CACNA1C: variants seen among roughly 807,000 people sequenced by gnomAD.
CACNA1C encodes calcium voltage-gated channel subunit alpha1 C.
In CACNA1C, 30 loss-of-function variants were observed where a neutral mutation model predicts 229.0. That is an observed-to-expected ratio of 0.13 (90% CI 0.10 to 0.18). CACNA1C has a LOEUF of 0.18. CACNA1C is among the 10% of genes least tolerant of loss of function. The probability of loss-of-function intolerance (pLI) is 1.00; values close to 1 mark genes in which losing one functional copy is unlikely to be tolerated. For missense variants in CACNA1C, 1,658 were observed against 2,845.0 expected (o/e 0.58, Z 9.49); for synonymous variants, 1,114 against 1,132.5 (o/e 0.98, Z 0.33).
intron 4 of CACNA1C, among the ~76,000 whole-genome samples, chr12:2,450,378 C>G (rs539443734): frequency 1.5e-4 from 22 of 149,934 alleles, no homozygotes; most frequent in African/African-American, 4.8e-4. Flanking sequence ...CACGGTGAAA[C>G]CCCGTCTCTA....
In CACNA1C at chr12:2,597,506, C is replaced by T. The variant is rs749006268; in HGVS notation, c.2853+217C>T. ...AGAAATTATCCTTAAGGTAATGCAA[C>T]CTGGGCAATGCATCCTCTGTCGCTT... is the stretch of plus-strand genomic sequence containing the variant. On this transcript the variant is annotated intron_variant, in intron 21 of 46. Coordinates refer to ENST00000399655, the MANE Select transcript of CACNA1C (RefSeq NM_000719.7). The surrounding 1 kb of genome is among the most constrained non-coding windows in gnomAD (Gnocchi z 4.3). The T allele has an allele frequency of 2.6e-6, 4 of 1,534,400 alleles. No homozygotes were observed. Among genetic ancestry groups the T allele is most frequent in the Admixed American group, 1.7e-5 (1 of 59,942 alleles).
intron 42 of CACNA1C, chr12:2,681,802 T>G (rs1436408516): frequency 2.6e-5 from 16 of 608,306 alleles, no homozygotes; most frequent in Non-Finnish European, 4.7e-5. Flanking sequence ...GATCTTTCTC[T>G]GATGCCCTCA....
At chr12:2,032,475 G>A (rs2048399941) in intron 1 of CACNA1C, among the ~76,000 whole-genome samples, 1 of 152,196 alleles carries the variant, frequency 6.6e-6, no homozygotes. Flanking sequence ...GTTTGTCAAC[G>A]TTAAGACAGT....
chr12:2,118,507 C>A (rs899793636), intron 2 of CACNA1C, among the ~76,000 whole-genome samples: 1 of 152,192 alleles, frequency 6.6e-6, no homozygotes, highest in Non-Finnish European at 1.5e-5. Flanking sequence ...GAGCTTGGAT[C>A]CCATCCTACT....
At chr12:2,405,588 C>T (rs1219609806) in intron 3 of CACNA1C, among the ~76,000 whole-genome samples, 4 of 152,132 alleles carry the variant, frequency 2.6e-5, no homozygotes, top group Admixed American at 6.5e-5. Context: ...TATATCTCTT[C>T]GTGTAGCTGT....
At chr12:2,201,189 C>A (rs1320572378) in intron 3 of CACNA1C, among the ~76,000 whole-genome samples, 1 of 152,134 alleles carries the variant, frequency 6.6e-6, no homozygotes, top group Non-Finnish European at 1.5e-5. Flanking sequence ...GAGAATCACA[C>A]ACACAGTCCC....
intron 9 of CACNA1C, among the ~76,000 whole-genome samples, chr12:2,535,778 C>T (rs1158199449): frequency 1.4e-5 from 2 of 145,968 alleles, no homozygotes; most frequent in African/African-American, 5.0e-5. Context: ...GGACCAAAGA[C>T]TCTGTCTGCC....
intron 3 of CACNA1C, among the ~76,000 whole-genome samples, chr12:2,437,564 G>A (rs1325265626): frequency 6.6e-6 from 1 of 152,216 alleles, no homozygotes; most frequent in Non-Finnish European, 1.5e-5. Flanking sequence ...ATCATGCAGA[G>A]TTACTGTTAG....
intron 20 of CACNA1C, among the ~76,000 whole-genome samples, chr12:2,596,532 C>T (rs2068279681): frequency 6.6e-6 from 1 of 152,202 alleles, no homozygotes; most frequent in African/African-American, 2.4e-5. Flanking sequence ...AAGTCCCAAC[C>T]AAGTGGGCAT....
At chr12:2,454,916 C>T (rs1178060385) in intron 4 of CACNA1C, among the ~76,000 whole-genome samples, 6 of 152,232 alleles carry the variant, frequency 3.9e-5, no homozygotes, top group African/African-American at 7.2e-5. Flanking sequence ...GCTGACAATG[C>T]GCCTTCTCAC....
At chr12:2,013,204 A>G (rs1002889555) in intron 1 of CACNA1C, among the ~76,000 whole-genome samples, 2 of 152,178 alleles carry the variant, frequency 1.3e-5, no homozygotes, top group African/African-American at 4.8e-5. Context: ...TAAAATAGAG[A>G]CAACAATAGT....
intron 3 of CACNA1C, among the ~76,000 whole-genome samples, chr12:2,402,114 G>A (rs890997466): frequency 4.6e-5 from 7 of 152,378 alleles, no homozygotes; most frequent in East Asian, 1.9e-4. Flanking sequence ...TATTGCAAAT[G>A]CTGCAACATC....
chr12:2,606,575 C>T (rs781048966), intron 24 of CACNA1C, 36 bp from the exon 25 acceptor site: 5 of 1,554,116 alleles, frequency 3.2e-6, no homozygotes, highest in Non-Finnish European at 4.4e-6. Flanking sequence ...TCATTGATTA[C>T]TGAACATCTC....
intron 3 of CACNA1C, among the ~76,000 whole-genome samples, chr12:2,299,870 A>G (rs1332560654): frequency 6.6e-6 from 1 of 152,162 alleles, no homozygotes; most frequent in African/African-American, 2.4e-5. Flanking sequence ...TCATTTGTAA[A>G]ATGAGAGCCA....
chr12:2,446,199 GTGGATGGA>G (rs1173010543), intron 3 of CACNA1C, among the ~76,000 whole-genome samples: 18 of 136,908 alleles, frequency 1.3e-4, no homozygotes, highest in South Asian at 2.5e-4. Flanking sequence ...AGGTGGGTGG[GTGGATGGA>G]TGGATGGATG....
chr12:2,387,637 G>C (rs1317732708), intron 3 of CACNA1C, among the ~76,000 whole-genome samples: 2 of 152,214 alleles, frequency 1.3e-5, no homozygotes, highest in Non-Finnish European at 2.9e-5. Flanking sequence ...CTAGTCTGTG[G>C]GGTTTCATGA....
At chr12:2,098,443 G>A (rs541163399) in intron 1 of CACNA1C, among the ~76,000 whole-genome samples, 1 of 152,334 alleles carries the variant, frequency 6.6e-6, no homozygotes, top group South Asian at 2.1e-4. Context: ...CAAATAGGCT[G>A]TGTGTGGGTA....
rs1346282260 is a variant in CACNA1C, at chr12:2,566,979, G to A, written c.1669+397G>A. Among the ~76,000 whole-genome samples, 1 of 152,002 alleles carries A rather than the reference G, an allele frequency of 6.6e-6. No individual in the cohort carries two copies. Among genetic ancestry groups the A allele is most frequent in the Non-Finnish European group, 1.5e-5 (1 of 67,974 alleles). On this transcript the variant is annotated intron_variant, in intron 12 of 46. Transcript: ENST00000399655. This position sits in a 1 kb window ranked among gnomAD's most constrained non-coding sequence, Gnocchi z 4.0. ...TAACCAGAACACATGAGGATGGAATGAGCAAAAAGGCAGAGAAGAGAATAG... is the reference window on the plus strand; with the variant it reads ...TAACCAGAACACATGAGGATGGAATAAGCAAAAAGGCAGAGAAGAGAATAG...
intron 1 of CACNA1C, among the ~76,000 whole-genome samples, chr12:2,093,971 C>T (rs1490040487): frequency 6.6e-6 from 1 of 152,198 alleles, no homozygotes; most frequent in African/African-American, 2.4e-5. Flanking sequence ...TCCCATTTTC[C>T]CCAGTAACCT....
Sources: allele counts gnomAD v4.1 joint callset (sites outside exome capture counted in the v4.1 genomes callset), GRCh38; gene constraint gnomAD v4.1.1; non-coding constraint Gnocchi (gnomAD v3.1); transcripts MANE v1.5; gene names NCBI Gene and HGNC (gene_info 2026-07-23, HGNC 2026-07-21).